DUSP13A: variants seen among roughly 807,000 people sequenced by gnomAD.
The protein encoded by DUSP13A is dual specificity phosphatase 13A.
the DUSP13A span, chr10:75,108,865 G>T: frequency 1.8e-6 from 2 of 1,092,278 alleles, no homozygotes; most frequent in Non-Finnish European, 2.5e-6. Context: ...CAGCACCCCC[G>T]GGGGTCCTGG....
chr10:75,105,871 G>A, the DUSP13A span: 2 of 1,546,076 alleles, frequency 1.3e-6, no homozygotes, highest in Non-Finnish European at 8.7e-7. Flanking sequence ...GACCTTGGCT[G>A]AGGAAGACAT....
At chr10:75,105,733 T>C in the DUSP13A span, 37 of 1,554,500 alleles carry the variant, frequency 2.4e-5, no homozygotes, top group Admixed American at 3.9e-5. Context: ...GAAGCCTCGG[T>C]TGGGGAAGAC....
At chr10:75,106,891 C>T in the DUSP13A span, among the ~76,000 whole-genome samples, 1 of 152,230 alleles carries the variant, frequency 6.6e-6, no homozygotes, top group Admixed American at 6.5e-5. Flanking sequence ...GATGAGGAAA[C>T]TGAAGTCCAG....
the DUSP13A span, among the ~76,000 whole-genome samples, chr10:75,106,101 C>CTTTTTTTT: frequency 4.9e-5 from 6 of 123,022 alleles, no homozygotes; most frequent in Admixed American, 7.9e-5. Flanking sequence ...TCTTTCTTTT[C>CTTTTTTTT]TTTTTTTTTT....
the DUSP13A span, among the ~76,000 whole-genome samples, chr10:75,107,048 T>G: frequency 5.9e-5 from 9 of 152,326 alleles, no homozygotes; most frequent in Admixed American, 3.9e-4. Flanking sequence ...TTAAAAGTAC[T>G]TTGGGGGCCG....
the DUSP13A span, chr10:75,105,749 G>A: frequency 1.0e-5 from 16 of 1,554,114 alleles, no homozygotes; most frequent in African/African-American, 2.7e-5. Flanking sequence ...AAGACCCATC[G>A]GTGCTGCCTC....
the DUSP13A span, chr10:75,108,316 A>G: frequency 6.8e-7 from 1 of 1,478,244 alleles, no homozygotes; most frequent in Non-Finnish European, 8.9e-7. Flanking sequence ...GGGTCCAAAG[A>G]GAGTCCAACC....
At chr10:75,108,365 T>C in the DUSP13A span, 1 of 1,358,600 alleles carries the variant, frequency 7.4e-7, no homozygotes, top group Non-Finnish European at 9.7e-7. Context: ...CACAGCCCTA[T>C]ACCCAGAGCC....
chr10:75,108,297 G>A, the DUSP13A span: 6 of 1,503,158 alleles, frequency 4.0e-6, no homozygotes, highest in Admixed American at 4.5e-5. Flanking sequence ...CAGAGGGACC[G>A]AGCCATTAGG....
At chr10:75,107,167 C>G in the DUSP13A span, among the ~76,000 whole-genome samples, 2 of 152,120 alleles carry the variant, frequency 1.3e-5, no homozygotes, top group African/African-American at 2.4e-5. Context: ...GAAACCCTGT[C>G]TCTGCTAAAA....
At chr10:75,107,933 T>C in the DUSP13A span, 2 of 1,528,584 alleles carry the variant, frequency 1.3e-6, no homozygotes, top group Non-Finnish European at 1.8e-6. Flanking sequence ...TGAGAGGAAA[T>C]GAGGCATCCT....
chr10:75,107,992 C>A, the DUSP13A span: 3 of 1,610,754 alleles, frequency 1.9e-6, no homozygotes, highest in South Asian at 3.3e-5. Context: ...CAAGTCCTAC[C>A]CCCAGGCGTG....
At chr10:75,107,776 C>T in the DUSP13A span, among the ~76,000 whole-genome samples, 10 of 152,250 alleles carry the variant, frequency 6.6e-5, no homozygotes, top group Admixed American at 2.0e-4. Context: ...GAGGTTTCAC[C>T]GTGTTGGCCA....
chr10:75,106,906 G>C, the DUSP13A span, among the ~76,000 whole-genome samples: 8 of 152,354 alleles, frequency 5.3e-5, no homozygotes, highest in East Asian at 1.5e-3. Flanking sequence ...GTCCAGAAAG[G>C]GACACTGGCT....
At chr10:75,108,105 C>A in the DUSP13A span, 2 of 1,613,848 alleles carry the variant, frequency 1.2e-6, no homozygotes, top group East Asian at 2.2e-5. Context: ...CACACTGCTG[C>A]CGTAGAAGTC....
chr10:75,108,398 C>G, the DUSP13A span: 1 of 1,085,922 alleles, frequency 9.2e-7, no homozygotes, highest in Non-Finnish European at 1.3e-6. Flanking sequence ...GTGGCTGAGC[C>G]GGCGGTGTGT....
the DUSP13A span, chr10:75,108,935 T>A: frequency 3.3e-6 from 5 of 1,523,882 alleles, no homozygotes; most frequent in African/African-American, 5.6e-5. Context: ...TCCACCCTCC[T>A]GTGTCTGGTA....
the DUSP13A span, chr10:75,105,823 G>A: frequency 3.7e-4 from 572 of 1,550,824 alleles, 1 homozygote; most frequent in African/African-American, 6.5e-3. Flanking sequence ...CAGGACCAGC[G>A]TGGCAGAGCG....
At chr10:75,108,192 C>A in the DUSP13A span, 1 of 1,606,094 alleles carries the variant, frequency 6.2e-7, no homozygotes, top group Non-Finnish European at 8.5e-7. Context: ...CAGCTCAAAG[C>A]GGTTGTTTGC....
Sources: allele counts gnomAD v4.1 joint callset (sites outside exome capture counted in the v4.1 genomes callset), GRCh38; gene constraint gnomAD v4.1.1; transcripts MANE v1.5; gene names NCBI Gene and HGNC (gene_info 2026-07-23, HGNC 2026-07-21).